The following RNF169 variants were observed in gnomAD, a reference collection of about 807,000 sequenced individuals.
RNF169 encodes the protein ring finger protein 169.
RNF169 carries 24 observed loss-of-function variants against 53.9 expected under a neutral mutation model. The observed-to-expected ratio is 0.45, with a 90% CI of 0.32 to 0.63. The LOEUF is 0.63. RNF169 is among the 20% of genes least tolerant of loss of function. The probability of loss-of-function intolerance (pLI) is 0.04; values close to 1 mark genes in which losing one functional copy is unlikely to be tolerated. For synonymous variants in RNF169, 396 were observed against 363.5 expected (o/e 1.09, Z -1.02); for missense variants, 883 against 906.2 (o/e 0.97, Z 0.33).
chr11:74,763,304 A>C (rs1418539446), intron 1 of RNF169, among the ~76,000 whole-genome samples: 2 of 152,182 alleles, frequency 1.3e-5, no homozygotes, highest in Non-Finnish European at 2.9e-5. Context: ...CTGAAGATGA[A>C]TTTATGATTA....
Position 74,835,976 on chromosome 11 carries a change from A to C in RNF169, c.1373A>C (p.Glu458Ala). 1 of 1,614,214 alleles carries C rather than the reference A, an allele frequency of 6.2e-7. No individual in the cohort carries two copies. Among genetic ancestry groups the C allele is most frequent in the South Asian group, 1.1e-5 (1 of 91,088 alleles). ...GCCACTCTTACCTCTCTGGCTCCTG[A>C]AATGGGGGAAGAGTTACTAGGCTCT... ...SKATLTSLAP[E>A]MGEELLGSEG... The change falls in exon 6 of 6, where the codon GAA becomes GCA. Residue 458 changes from glutamate (E) to alanine (A), a missense_variant. Glu to Ala is a moderately radical substitution (Grantham distance 107, BLOSUM62 -1). Transcript: ENST00000299563.
chr11:74,816,198 A>G (rs896906712), intron 3 of RNF169, among the ~76,000 whole-genome samples: 4 of 152,246 alleles, frequency 2.6e-5, no homozygotes, highest in Non-Finnish European at 4.4e-5. Context: ...TTGCGTGCCT[A>G]CATCTACAAC....
chr11:74,813,256 T>C (rs541783821), intron 3 of RNF169, among the ~76,000 whole-genome samples: 1 of 152,338 alleles, frequency 6.6e-6, no homozygotes, highest in Non-Finnish European at 1.5e-5. Context: ...GTCTTATCCA[T>C]TTAAATCTCC....
At position 74,811,308 on chromosome 11, in the gene RNF169, C is replaced by T. The variant is rs2035872579; in HGVS notation, c.723+978C>T. 2.6e-5 allele frequency among the ~76,000 whole-genome samples: 4 copies of T among 152,132 alleles called. No homozygotes were observed. In the South Asian group the frequency reaches 8.3e-4, roughly 32 times the overall value. ...CCAGGCTGGAGTGCAGGGGTGTGATCATGGTTCACTGCAGCCTTAGCTTCC... is the reference window on the plus strand; with the variant it reads ...CCAGGCTGGAGTGCAGGGGTGTGATTATGGTTCACTGCAGCCTTAGCTTCC... On this transcript the variant is annotated intron_variant, in intron 3 of 5. Coordinates refer to ENST00000299563, the MANE Select transcript of RNF169 (RefSeq NM_001098638.2).
chr11:74,802,998 G>T (rs1020055504), intron 2 of RNF169, among the ~76,000 whole-genome samples: 7 of 151,914 alleles, frequency 4.6e-5, no homozygotes, highest in African/African-American at 1.7e-4. Flanking sequence ...TCGGCTCACC[G>T]CAAGCTCCGC....
chr11:74,820,517 G>T (rs201998969), intron 4 of RNF169, among the ~76,000 whole-genome samples: 2 of 152,002 alleles, frequency 1.3e-5, no homozygotes, highest in South Asian at 2.1e-4. Context: ...GTTGTGTGTG[G>T]GGAATAGTCA....
At chr11:74,786,580 T>C (rs1029204002) in intron 1 of RNF169, among the ~76,000 whole-genome samples, 13 of 152,148 alleles carry the variant, frequency 8.5e-5, no homozygotes, top group African/African-American at 2.9e-4. Flanking sequence ...TTGTTTCTTA[T>C]AGATTGTACC....
At chr11:74,811,912 C>T (rs1196100717) in intron 3 of RNF169, among the ~76,000 whole-genome samples, 2 of 152,278 alleles carry the variant, frequency 1.3e-5, no homozygotes, top group East Asian at 1.9e-4. Flanking sequence ...CTGAAGACCG[C>T]GGCTCTCCCT....
chr11:74,764,350 A>C (rs1442982050), intron 1 of RNF169, among the ~76,000 whole-genome samples: 1 of 152,194 alleles, frequency 6.6e-6, no homozygotes, highest in Non-Finnish European at 1.5e-5. Flanking sequence ...CCTGACTAAC[A>C]TGTTGAAACC....
In RNF169 at chr11:74,835,895, T is replaced by C. The variant is rs767121552; in HGVS notation, c.1292T>C (p.Leu431Pro). The change falls in exon 6 of 6, where the codon CTC becomes CCC. Residue 431 changes from leucine to proline, a missense_variant. By Grantham distance (98) the Leu-to-Pro change is moderately conservative (BLOSUM62 -3). Coordinates refer to ENST00000299563, the MANE Select transcript of RNF169 (RefSeq NM_001098638.2). ...TCTTATGAGGCCAGTCCACGGATCCTCAAAAAGTGGGAACAGATCTTTCAG... is the reference window on the plus strand; with the variant it reads ...TCTTATGAGGCCAGTCCACGGATCCCCAAAAAGTGGGAACAGATCTTTCAG... ...QTSYEASPRILKKWEQIFQER... is the reference protein window; with the variant it reads ...QTSYEASPRIPKKWEQIFQER... The C allele has an allele frequency of 3.1e-6, 5 of 1,613,962 alleles. No individual in the cohort carries two copies. In the East Asian group the frequency reaches 8.9e-5, roughly 29 times the overall value.
chr11:74,816,028 A>G (rs2035937556), intron 3 of RNF169, among the ~76,000 whole-genome samples: 1 of 151,966 alleles, frequency 6.6e-6, no homozygotes, highest in Admixed American at 6.5e-5. Context: ...GAGGAATGAT[A>G]CCCTACAAAA....
intron 1 of RNF169, among the ~76,000 whole-genome samples, chr11:74,753,304 C>T (rs2034931380): frequency 6.6e-6 from 1 of 152,050 alleles, no homozygotes; most frequent in Non-Finnish European, 1.5e-5. Flanking sequence ...TCTCATTCTA[C>T]AGAAGAGAAA....
intron 1 of RNF169, among the ~76,000 whole-genome samples, chr11:74,779,409 T>C (rs1238636402): frequency 1.3e-5 from 2 of 152,202 alleles, no homozygotes; most frequent in Non-Finnish European, 2.9e-5. Context: ...AGTTCAACTT[T>C]CTTTCTGTGT....
intron 2 of RNF169, among the ~76,000 whole-genome samples, chr11:74,806,210 T>C (rs764485368): frequency 8.3e-4 from 126 of 152,332 alleles, no homozygotes; most frequent in Non-Finnish European, 1.2e-3. Flanking sequence ...AAAAGAGGAT[T>C]TCCACATAAT....
intron 1 of RNF169, among the ~76,000 whole-genome samples, chr11:74,769,815 C>A (rs2035233435): frequency 3.3e-5 from 5 of 152,150 alleles, no homozygotes; most frequent in Admixed American, 3.3e-4. Context: ...TTGTACCCCC[C>A]AACAAGGTCT....
chr11:74,790,929 G>A (rs2035569817), intron 2 of RNF169, among the ~76,000 whole-genome samples: 1 of 152,240 alleles, frequency 6.6e-6, no homozygotes, highest in African/African-American at 2.4e-5. Context: ...CCCACAACAT[G>A]GTGAGTGAGG....
chr11:74,817,631 A>G lies in RNF169; in HGVS notation c.759A>G (p.Glu253=). Residue 253 remains glutamate, a synonymous_variant, in exon 4 of 6, where the codon GAA becomes GAG. Transcript: ENST00000299563. The part of the protein sequence containing the change: ...PARLSDSENE[E]PSRGQMTQTH... ...GTCTCTCAGATTCAGAGAATGAAGAACCTTCTCGAGGCCAGATGACACAGA... is the reference window on the plus strand; with the variant it reads ...GTCTCTCAGATTCAGAGAATGAAGAGCCTTCTCGAGGCCAGATGACACAGA... The G allele has an allele frequency of 6.2e-7, 1 of 1,613,850 alleles. No individual in the cohort carries two copies. Among genetic ancestry groups the G allele is most frequent in the Non-Finnish European group, 8.5e-7 (1 of 1,179,736 alleles).
At chr11:74,796,314 T>A (rs2035648722) in intron 2 of RNF169, among the ~76,000 whole-genome samples, 1 of 152,184 alleles carries the variant, frequency 6.6e-6, no homozygotes, top group African/African-American at 2.4e-5. Flanking sequence ...TGGATATACA[T>A]CTTAATGGAA....
Position 74,836,927 on chromosome 11 carries a change from G to A in RNF169, c.*197G>A. The A allele has an allele frequency of 1.9e-6, 1 of 533,244 alleles. No individual in the cohort carries two copies. The highest frequency in any genetic ancestry group is 3.3e-6 in the Non-Finnish European group (1 of 304,684). 33.0% of individuals were successfully genotyped at this position (533,244 alleles called of 1,614,324 possible). A position where few individuals can be genotyped will look rare whatever the true frequency, so the allele number is the denominator to read the frequency against. ...TCTCTGTGACCCAGGCCAGAAGCCT[G>A]AGTGACCCATCCCTAAGGGCTTCTG... On this transcript the variant is annotated 3_prime_UTR_variant, in exon 6 of 6. Coordinates refer to ENST00000299563, the MANE Select transcript of RNF169 (RefSeq NM_001098638.2).
Sources: gnomAD v4.1 joint callset for allele counts (sites outside exome capture counted in the v4.1 genomes callset) on GRCh38, gnomAD v4.1.1 for gene constraint, MANE v1.5 for transcripts, NCBI Gene and HGNC (gene_info 2026-07-23, HGNC 2026-07-21) for gene names.